Variants in NELL1 observed in about 807,000 individuals in gnomAD.
NELL1 encodes the protein protein kinase C-binding protein NELL1.
In NELL1, 76 loss-of-function variants were observed where a neutral mutation model predicts 107.4. That is an observed-to-expected ratio of 0.71 (90% CI 0.59 to 0.86). NELL1 has a LOEUF of 0.86. Among genes scored for constraint, NELL1 ranks in the 40% least tolerant of loss-of-function variants. The probability of loss-of-function intolerance (pLI) is 0.00; values close to 1 mark genes in which losing one functional copy is unlikely to be tolerated. For synonymous variants in NELL1, 353 were observed against 341.2 expected, an observed-to-expected ratio of 1.03 and a Z score of -0.38; for missense variants, 1,024 against 1,005.5, an observed-to-expected ratio of 1.02 and a Z score of -0.25.
chr11:20,838,457 G>A (rs1422734093), intron 3 of NELL1, among the ~76,000 whole-genome samples: 1 of 151,662 alleles, frequency 6.6e-6, no homozygotes, highest in East Asian at 1.9e-4. Context: ...GGCAGACTGG[G>A]TGTGGGCTAT....
chr11:20,726,640 A>C (rs961297819), intron 2 of NELL1, among the ~76,000 whole-genome samples: 3 of 152,008 alleles, frequency 2.0e-5, no homozygotes, highest in African/African-American at 7.3e-5. Context: ...GTACATGTGC[A>C]CAATGTGCAG....
intron 2 of NELL1, 122 bp from the exon 3 acceptor site, chr11:20,783,558 A>G (rs1199552566): frequency 4.7e-6 from 3 of 635,170 alleles, no homozygotes; most frequent in East Asian, 2.9e-5. Flanking sequence ...ATTTTTAACC[A>G]TGGATCTTTT....
intron 15 of NELL1, among the ~76,000 whole-genome samples, chr11:21,379,622 G>T (rs1404214115): frequency 6.6e-6 from 1 of 151,972 alleles, no homozygotes; most frequent in Non-Finnish European, 1.5e-5. Context: ...ATTTTTAAAA[G>T]CTTAAAATAA....
chr11:21,041,321 T>TA lies in NELL1; in HGVS notation c.1301-72263dup, dbSNP rs554683471. The stretch of plus-strand genomic sequence containing the variant: ...TTAACACAACATAGTTAATTGTTAA[T>TA]AAAAATAGTTAATATAAATATAATA... On this transcript the variant is annotated intron_variant, in intron 12 of 19. Coordinates refer to ENST00000357134, the MANE Select transcript of NELL1 (RefSeq NM_006157.5). Among the ~76,000 whole-genome samples, 18 of 152,304 alleles carry TA rather than the reference T, an allele frequency of 1.2e-4. No homozygotes were observed. The East Asian group carries it at 3.5e-3, about 29-fold the overall frequency.
chr11:20,847,607 C>T lies in NELL1; in HGVS notation c.360C>T (p.Gly120=). 1.2e-6 allele frequency: 2 copies of T among 1,613,554 alleles called. No individual in the cohort carries two copies. The highest frequency in any genetic ancestry group is 1.1e-5 in the South Asian group (1 of 91,004). ...EHSYFELESS[G]LRDEIRYHYI... is the part of the protein sequence containing the mutation. ...GCTATTTTGAACTGGAGAGCAGTGG[C>T]CTGAGGGATGAGATTCGGTATCACT... is the stretch of plus-strand genomic sequence containing the variant. The change falls in exon 4 of 20, where the codon GGC becomes GGT. Residue 120 remains glycine, a synonymous_variant. Transcript: ENST00000357134.
chr11:20,840,256 A>G (rs1304394834), intron 3 of NELL1, among the ~76,000 whole-genome samples: 3 of 152,186 alleles, frequency 2.0e-5, no homozygotes, highest in Admixed American at 2.0e-4. Flanking sequence ...TTTAGTAGAA[A>G]CATACTTAAG....
intron 14 of NELL1, among the ~76,000 whole-genome samples, chr11:21,334,197 G>C (rs1850334699): frequency 6.6e-6 from 1 of 151,924 alleles, no homozygotes; most frequent in Admixed American, 6.6e-5. Context: ...AAAGAACATA[G>C]GTATAATGAA....
At chr11:20,876,717 C>T (rs185907387) in intron 4 of NELL1, among the ~76,000 whole-genome samples, 3 of 152,060 alleles carry the variant, frequency 2.0e-5, no homozygotes, top group Non-Finnish European at 4.4e-5. Context: ...GAGCTGAGAT[C>T]GCGCCACTGC....
chr11:20,786,576 T>G (rs1428942314), intron 3 of NELL1, among the ~76,000 whole-genome samples: 2 of 151,880 alleles, frequency 1.3e-5, no homozygotes, highest in African/African-American at 4.8e-5. Context: ...AATATGTTAC[T>G]GGGGGCAAAT....
At chr11:21,032,651 G>A (rs4923283) in intron 12 of NELL1, among the ~76,000 whole-genome samples, 17,654 of 152,190 alleles carry the variant, frequency 0.12, 1,234 homozygotes, top group South Asian at 0.19. Flanking sequence ...GCCTCTCAAA[G>A]TGCTTGGATA....
intron 12 of NELL1, among the ~76,000 whole-genome samples, chr11:21,016,568 C>T (rs558424336): frequency 2.0e-5 from 3 of 152,170 alleles, no homozygotes; most frequent in African/African-American, 7.2e-5. Context: ...TGCCTTTATA[C>T]ACAATGTGTT....
chr11:20,819,706 A>C (rs1344956063), intron 3 of NELL1, among the ~76,000 whole-genome samples: 1 of 152,166 alleles, frequency 6.6e-6, no homozygotes, highest in East Asian at 1.9e-4. Context: ...AGACCCCAGA[A>C]ATGGGTGGGT....
At chr11:21,551,057 A>G (rs1008863810) in intron 16 of NELL1, among the ~76,000 whole-genome samples, 5 of 151,142 alleles carry the variant, frequency 3.3e-5, no homozygotes, top group East Asian at 2.0e-4. Context: ...GGTCCTTCAC[A>G]TCCCTTGTAA....
At chr11:21,426,339 A>T (rs1852821850) in intron 15 of NELL1, among the ~76,000 whole-genome samples, 1 of 152,232 alleles carries the variant, frequency 6.6e-6, no homozygotes, top group African/African-American at 2.4e-5. Context: ...CTGATACAAT[A>T]CTTGACATAC....
chr11:21,301,835 A>T (rs890595333), intron 14 of NELL1, among the ~76,000 whole-genome samples: 1 of 152,032 alleles, frequency 6.6e-6, no homozygotes, highest in Admixed American at 6.6e-5. Flanking sequence ...GCTCACAATG[A>T]TAGCTAAGGA....
intron 12 of NELL1, among the ~76,000 whole-genome samples, chr11:21,089,609 G>T (rs932266750): frequency 6.6e-6 from 1 of 152,120 alleles, no homozygotes; most frequent in African/African-American, 2.4e-5. Context: ...CTTGTGGCAA[G>T]GTAATCCATC....
At chr11:21,107,209 GT>G (rs1424641411) in intron 12 of NELL1, among the ~76,000 whole-genome samples, 2 of 151,852 alleles carry the variant, frequency 1.3e-5, no homozygotes, top group Non-Finnish European at 2.9e-5. Context: ...TATTTTTTGG[GT>G]TTGGACAAAT....
intron 16 of NELL1, among the ~76,000 whole-genome samples, chr11:21,553,474 C>T (rs566864106): frequency 2.2e-4 from 33 of 151,936 alleles, no homozygotes; most frequent in African/African-American, 8.0e-4. Context: ...CTAACCTGCT[C>T]TTATTCTGTC....
chr11:21,515,283 G>C (rs952299403), intron 15 of NELL1, among the ~76,000 whole-genome samples: 2 of 152,052 alleles, frequency 1.3e-5, no homozygotes, highest in Non-Finnish European at 2.9e-5. Flanking sequence ...ATGATAGGAG[G>C]GGACAGATGG....
Sources: gnomAD v4.1 joint callset for allele counts (sites outside exome capture counted in the v4.1 genomes callset) on GRCh38, gnomAD v4.1.1 for gene constraint, MANE v1.5 for transcripts, NCBI Gene and HGNC (gene_info 2026-07-23, HGNC 2026-07-21) for gene names.